Variants in KANSL1L observed in about 807,000 individuals in gnomAD.
KANSL1L encodes the protein KAT8 regulatory NSL complex subunit 1 like.
In KANSL1L, 25 loss-of-function variants were observed where a neutral mutation model predicts 108.6. The observed-to-expected ratio is 0.23, with a 90% CI of 0.17 to 0.32. KANSL1L has a LOEUF of 0.32. Ranked by LOEUF, KANSL1L falls within the 10% of genes least tolerant of loss-of-function variation. The pLI is 1.00. For missense variants in KANSL1L, 1,137 were observed against 1,125.7 expected, an observed-to-expected ratio of 1.01 and a Z score of -0.14; for synonymous variants, 405 against 395.1, an observed-to-expected ratio of 1.03 and a Z score of -0.30.
At chr2:210,088,495 G>A (rs900370355) in intron 5 of KANSL1L, 2 of 152,318 alleles carry the variant, frequency 1.3e-5, no homozygotes, top group African/African-American at 4.8e-5. Flanking sequence ...AGTTGGCGGT[G>A]ACAAGAACAG....
Position 210,104,233 on chromosome 2 carries a change from G to T in KANSL1L, c.1299C>A (p.Asp433Glu). ...DILKKQMQFADQAASLNILGN... is the reference protein window; with the variant it reads ...DILKKQMQFAEQAASLNILGN... ...CTAGAATGTTTAGTGAAGCTGCTTG[G>T]TCTGCAAATTGCATTTGTTTTTTCA... Residue 433 changes from aspartate to glutamate, a missense_variant, in exon 4 of 15, where the codon GAC (aspartate) becomes GAA (glutamate). Physicochemically the swap from Asp to Glu is conservative, Grantham distance 45. Transcript: ENST00000281772. 6.2e-7 allele frequency: 1 copy of T among 1,613,762 alleles called. No homozygotes were observed. The highest frequency in any genetic ancestry group is 1.1e-5 in the South Asian group (1 of 91,074).
intron 5 of KANSL1L, among the ~76,000 whole-genome samples, chr2:210,084,612 T>G (rs2094620433): frequency 6.6e-6 from 1 of 152,160 alleles, no homozygotes; most frequent in Non-Finnish European, 1.5e-5. Flanking sequence ...GTGATTTCTT[T>G]TTTTTTTCTC....
At chr2:210,105,620 T>C in intron 3 of KANSL1L, among the ~76,000 whole-genome samples, 1 of 151,788 alleles carries the variant, frequency 6.6e-6, no homozygotes, top group Admixed American at 6.6e-5. Context: ...ATATGAGTTT[T>C]AGTTTACACT....
chr2:210,169,634 A>C (rs891094601), intron 1 of KANSL1L, among the ~76,000 whole-genome samples: 3 of 152,056 alleles, frequency 2.0e-5, no homozygotes, highest in Non-Finnish European at 4.4e-5. Flanking sequence ...GCCTGGATTA[A>C]GAAGTTTCAC....
At chr2:210,105,137 A>G (rs1260179443) in intron 3 of KANSL1L, among the ~76,000 whole-genome samples, 1 of 151,994 alleles carries the variant, frequency 6.6e-6, no homozygotes, top group Non-Finnish European at 1.5e-5. Context: ...GAGAAAGAGA[A>G]AAAAGGAGTG....
At chr2:210,053,972 A>C (rs1231534656) in intron 6 of KANSL1L, among the ~76,000 whole-genome samples, 2 of 152,140 alleles carry the variant, frequency 1.3e-5, no homozygotes, top group Admixed American at 1.3e-4. Context: ...AATGGCTCTT[A>C]AACATATGCA....
rs763386374 is a variant in KANSL1L, at chr2:210,129,139, G to T, written c.1122C>A (p.Asp374Glu). 1.1e-5 allele frequency: 17 copies of T among 1,613,654 alleles called. No homozygotes were observed. Among genetic ancestry groups the T allele is most frequent in the African/African-American group, 1.3e-5 (1 of 74,890 alleles). Residue 374 changes from aspartate (D) to glutamate (E), a missense_variant, in exon 3 of 15, where the codon GAC becomes GAA. Asp to Glu is a conservative substitution (Grantham distance 45). Transcript: ENST00000281772. The stretch of plus-strand genomic sequence containing the variant: ...TCCATCGGCTGCCAACTCGTGCTCT[G>T]TCTACAAGCCACTTCCATTCAGTAC... Reference protein sequence around the residue: ...NCSTEWKWLVDRARVGSRWTW... With the variant: ...NCSTEWKWLVERARVGSRWTW...
rs202136561 is a variant in KANSL1L, at chr2:210,154,604, T to C, written c.-22A>G. ...TCATGGCGATTCCTGTAGATAAGTATTGGAAACCTACAATAATGTAAAAAT... is the reference window on the plus strand; with the variant it reads ...TCATGGCGATTCCTGTAGATAAGTACTGGAAACCTACAATAATGTAAAAAT... On this transcript the variant is annotated 5_prime_UTR_variant, in exon 2 of 15. Transcript: ENST00000281772. 8.3e-6 allele frequency: 12 copies of C among 1,438,050 alleles called. No individual in the cohort carries two copies. Among genetic ancestry groups the C allele is most frequent in the African/African-American group, 2.9e-5 (2 of 69,900 alleles). The allele number at this position is 1,438,050 out of a possible 1,614,324, so 89.1% of individuals were successfully genotyped here.
At chr2:210,095,861 A>G (rs2094731020) in intron 5 of KANSL1L, among the ~76,000 whole-genome samples, 1 of 152,134 alleles carries the variant, frequency 6.6e-6, no homozygotes, top group African/African-American at 2.4e-5. Context: ...CAAGGAAAAT[A>G]TGATATTTTG....
At chr2:210,130,789 G>A (rs1367417869) in intron 2 of KANSL1L, among the ~76,000 whole-genome samples, 1 of 150,830 alleles carries the variant, frequency 6.6e-6, no homozygotes, top group Non-Finnish European at 1.5e-5. Flanking sequence ...ACACAGGTGA[G>A]GATAAAATGT....
intron 3 of KANSL1L, among the ~76,000 whole-genome samples, chr2:210,118,339 A>C (rs1193648307): frequency 6.6e-6 from 1 of 151,458 alleles, no homozygotes; most frequent in Admixed American, 6.6e-5. Flanking sequence ...ATGGTGGTAC[A>C]TGCCAGTAAT....
intron 3 of KANSL1L, among the ~76,000 whole-genome samples, chr2:210,122,853 C>A (rs1295087991): frequency 6.6e-6 from 1 of 151,326 alleles, no homozygotes; most frequent in African/African-American, 2.4e-5. Flanking sequence ...AAAAAAAAAT[C>A]TAATAATCTG....
At position 210,028,977 on chromosome 2, in the gene KANSL1L, A is replaced by G. The variant is rs2093976956; in HGVS notation, c.2272-8T>C. On this transcript the variant is annotated splice_polypyrimidine_tract_variant and splice_region_variant and intron_variant, in intron 10 of 14. Transcript: ENST00000281772. ...TCTCCGTCGTGCAGTATTCTGCAAAACAGGATTACAGTAGATTTACAGTAC... is the reference window on the plus strand; with the variant it reads ...TCTCCGTCGTGCAGTATTCTGCAAAGCAGGATTACAGTAGATTTACAGTAC... 1.2e-6 allele frequency: 2 copies of G among 1,605,958 alleles called. No individual in the cohort carries two copies. The highest frequency in any genetic ancestry group is 4.5e-5 in the East Asian group (2 of 44,646).
At chr2:210,161,812 T>C (rs1187224181) in intron 1 of KANSL1L, among the ~76,000 whole-genome samples, 1 of 152,038 alleles carries the variant, frequency 6.6e-6, no homozygotes, top group Non-Finnish European at 1.5e-5. Context: ...TTTATACAGA[T>C]AGTAAACAAT....
intron 3 of KANSL1L, among the ~76,000 whole-genome samples, chr2:210,124,739 C>T (rs938031880): frequency 2.0e-5 from 3 of 151,714 alleles, no homozygotes; most frequent in Non-Finnish European, 4.4e-5. Context: ...TCAACAAAAT[C>T]GACAAACCTT....
intron 3 of KANSL1L, among the ~76,000 whole-genome samples, chr2:210,104,617 T>G (rs1020760527): frequency 5.3e-5 from 8 of 152,206 alleles, no homozygotes; most frequent in Non-Finnish European, 1.0e-4. Context: ...ACACAGAACA[T>G]GGACATTTCA....
chr2:210,093,594 C>T (rs529072938), intron 5 of KANSL1L, among the ~76,000 whole-genome samples: 2 of 152,296 alleles, frequency 1.3e-5, no homozygotes, highest in South Asian at 2.1e-4. Context: ...AAGCAGACTG[C>T]TGTGCTTTGC....
chr2:210,070,646 C>G (rs992490160), intron 6 of KANSL1L, among the ~76,000 whole-genome samples: 5 of 152,094 alleles, frequency 3.3e-5, no homozygotes, highest in Non-Finnish European at 7.4e-5. Context: ...ACAAAAATGT[C>G]CACTGTATTA....
chr2:210,025,948 T>C (rs1248676575), intron 12 of KANSL1L, among the ~76,000 whole-genome samples: 1 of 152,224 alleles, frequency 6.6e-6, no homozygotes, highest in East Asian at 1.9e-4. Flanking sequence ...TCTTAATGTT[T>C]TATTCATTCA....
Sources: gnomAD v4.1 joint callset for allele counts (sites outside exome capture counted in the v4.1 genomes callset) on GRCh38, gnomAD v4.1.1 for gene constraint, MANE v1.5 for transcripts, NCBI Gene and HGNC (gene_info 2026-07-23, HGNC 2026-07-21) for gene names.